TRAPPC9: variants seen among roughly 807,000 people sequenced by gnomAD.
TRAPPC9 encodes the protein IKK2 binding protein.
TRAPPC9 carries 83 observed loss-of-function variants against 124.0 expected under a neutral mutation model. The ratio of observed to expected loss-of-function variants is 0.67; its 90% confidence interval spans 0.56 to 0.80. The LOEUF (loss-of-function observed/expected upper bound fraction) is 0.80, where lower values mean the gene tolerates loss of function less well. Ranked by LOEUF, TRAPPC9 falls within the 30% of genes least tolerant of loss-of-function variation. TRAPPC9 has a pLI of 0.00. For missense variants in TRAPPC9, 1,302 were observed against 1,508.3 expected, an observed-to-expected ratio of 0.86 and a Z score of 2.27; for synonymous variants, 638 against 617.5, an observed-to-expected ratio of 1.03 and a Z score of -0.49.
intron 15 of TRAPPC9, among the ~76,000 whole-genome samples, chr8:140,258,080 T>A (rs1382251052): frequency 6.6e-6 from 1 of 152,150 alleles, no homozygotes; most frequent in Non-Finnish European, 1.5e-5. Context: ...AGGCAGAAAT[T>A]AGGCAGAAAA....
intron 17 of TRAPPC9, among the ~76,000 whole-genome samples, chr8:140,144,439 G>A (rs115096806): frequency 5.4e-4 from 82 of 151,784 alleles, no homozygotes; most frequent in African/African-American, 2.0e-3. Context: ...GGGTACTGTT[G>A]GCTAATGAAT....
chr8:140,120,181 T>G (rs1012905797), intron 17 of TRAPPC9, among the ~76,000 whole-genome samples: 3 of 152,206 alleles, frequency 2.0e-5, no homozygotes, highest in African/African-American at 4.8e-5. Context: ...TTAGATAACG[T>G]ATACCATGCA....
At chr8:140,403,351 T>A (rs1230587008) in intron 6 of TRAPPC9, among the ~76,000 whole-genome samples, 1 of 151,524 alleles carries the variant, frequency 6.6e-6, no homozygotes, top group Non-Finnish European at 1.5e-5. Context: ...ATCACTTGAA[T>A]CCAGGAGGCG....
At chr8:140,346,963 A>C (rs968795939) in intron 9 of TRAPPC9, among the ~76,000 whole-genome samples, 4 of 152,154 alleles carry the variant, frequency 2.6e-5, no homozygotes, top group Admixed American at 6.5e-5. Flanking sequence ...ACATGGAGTG[A>C]TGTCTGAGGC....
At chr8:139,975,180 C>T (rs1326288597) in intron 19 of TRAPPC9, among the ~76,000 whole-genome samples, 1 of 152,152 alleles carries the variant, frequency 6.6e-6, no homozygotes, top group Non-Finnish European at 1.5e-5. Flanking sequence ...GACTTTCCAC[C>T]AAACTGCATG....
At position 139,940,532 on chromosome 8, in the gene TRAPPC9, T is replaced by G. The variant is rs535950057; in HGVS notation, c.2811-30232A>C. 3.9e-5 allele frequency among the ~76,000 whole-genome samples: 6 copies of G among 152,320 alleles called. No homozygotes were observed. The South Asian group carries it at 1.2e-3, about 32-fold the overall frequency. On this transcript the variant is annotated intron_variant, in intron 19 of 22. Coordinates refer to ENST00000438773, the MANE Select transcript of TRAPPC9 (RefSeq NM_001160372.4). ...AGCTAGAGTATATCTGCTCCCTCCT[T>G]GCAGAGGCAGGACGTGGAGAGCGGC... is the stretch of plus-strand genomic sequence containing the variant.
intron 16 of TRAPPC9, among the ~76,000 whole-genome samples, chr8:140,242,164 G>GAGAC (rs2063874260): frequency 1.5e-5 from 2 of 133,190 alleles, no homozygotes; most frequent in Admixed American, 7.2e-5. Flanking sequence ...GAGAGAGAGA[G>GAGAC]GGAGACTGGG....
chr8:140,325,936 C>T (rs561390544), intron 9 of TRAPPC9, among the ~76,000 whole-genome samples: 1 of 152,174 alleles, frequency 6.6e-6, no homozygotes, highest in South Asian at 2.1e-4. Flanking sequence ...CAGCTGGCAC[C>T]CCCAAAGCAC....
intron 17 of TRAPPC9, among the ~76,000 whole-genome samples, chr8:140,113,811 TAC>T (rs1401643513): frequency 6.6e-6 from 1 of 152,182 alleles, no homozygotes; most frequent in Non-Finnish European, 1.5e-5. Context: ...CTGGTGCACA[TAC>T]AGTTTTCACC....
chr8:140,314,674 C>A (rs576640115), intron 9 of TRAPPC9, among the ~76,000 whole-genome samples: 1 of 152,286 alleles, frequency 6.6e-6, no homozygotes, highest in South Asian at 2.1e-4. Flanking sequence ...AATTTCACAC[C>A]TGAGGAAGAC....
At position 140,293,786 on chromosome 8, in the gene TRAPPC9, A is replaced by G. The variant is rs568436405; in HGVS notation, c.1769-2708T>C. Among the ~76,000 whole-genome samples the G allele has an allele frequency of 6.6e-5, 10 of 152,290 alleles. No individual in the cohort carries two copies. The East Asian group carries it at 1.9e-3, about 29-fold the overall frequency. On this transcript the variant is annotated intron_variant, in intron 11 of 22. Coordinates refer to ENST00000438773, the MANE Select transcript of TRAPPC9 (RefSeq NM_001160372.4). ...TGCTAAATGACAAGTTAATGGGTGC[A>G]GCGCACCAGCATGGCACATGTATAC... is the stretch of plus-strand genomic sequence containing the variant.
chr8:140,085,654 C>T (rs1475901754), intron 17 of TRAPPC9, among the ~76,000 whole-genome samples: 1 of 152,144 alleles, frequency 6.6e-6, no homozygotes, highest in Non-Finnish European at 1.5e-5. Flanking sequence ...TGAGCATCCC[C>T]CTTCTGCTCT....
Position 139,731,013 on chromosome 8 carries a change from G to A in TRAPPC9, c.*48C>T, listed in dbSNP as rs771971831. 1.2e-6 allele frequency: 2 copies of A among 1,600,476 alleles called. No individual in the cohort carries two copies. Among genetic ancestry groups the A allele is most frequent in the Non-Finnish European group, 1.7e-6 (2 of 1,173,642 alleles). On this transcript the variant is annotated 3_prime_UTR_variant, in exon 23 of 23. Coordinates refer to ENST00000438773, the MANE Select transcript of TRAPPC9 (RefSeq NM_001160372.4). ...CATTGCAGGGGGTGTGGGAGGCCAG[G>A]CAGGGTCACCTCTGGCCCTGCAGAA...
chr8:140,179,922 A>ATCCATT (rs1354520363), intron 17 of TRAPPC9, among the ~76,000 whole-genome samples: 1 of 150,630 alleles, frequency 6.6e-6, no homozygotes, highest in Non-Finnish European at 1.5e-5. Flanking sequence ...ATCTTCTCCA[A>ATCCATT]TCCATTTCTA....
intron 21 of TRAPPC9, among the ~76,000 whole-genome samples, chr8:139,824,003 G>A (rs1475992929): frequency 6.6e-6 from 1 of 152,278 alleles, no homozygotes; most frequent in South Asian, 2.1e-4. Flanking sequence ...AAATACCCAG[G>A]TCTTCTATTA....
intron 17 of TRAPPC9, among the ~76,000 whole-genome samples, chr8:140,218,564 G>C (rs190833924): frequency 6.6e-5 from 10 of 152,010 alleles, no homozygotes; most frequent in African/African-American, 2.4e-4. Flanking sequence ...CTGGCCAGGA[G>C]AGACAAGCAG....
chr8:139,821,899 A>AAATG (rs1210205205), intron 21 of TRAPPC9, among the ~76,000 whole-genome samples: 1 of 152,216 alleles, frequency 6.6e-6, no homozygotes, highest in Non-Finnish European at 1.5e-5. Flanking sequence ...GACGGAGAGA[A>AAATG]AATGAATCGT....
chr8:139,739,196 C>T (rs114146405), intron 21 of TRAPPC9, among the ~76,000 whole-genome samples: 1,911 of 152,232 alleles, frequency 0.013, 34 homozygotes, highest in African/African-American at 0.042. Context: ...GCTCCACCAC[C>T]GGCAGCAGCT....
chr8:140,260,826 C>T (rs1212524192), intron 15 of TRAPPC9, among the ~76,000 whole-genome samples: 1 of 152,210 alleles, frequency 6.6e-6, no homozygotes, highest in Non-Finnish European at 1.5e-5. Context: ...ACCAATCTGC[C>T]TCTCACCCCT....
Sources: gnomAD v4.1 joint callset for allele counts (sites outside exome capture counted in the v4.1 genomes callset) on GRCh38, gnomAD v4.1.1 for gene constraint, MANE v1.5 for transcripts, NCBI Gene and HGNC (gene_info 2026-07-23, HGNC 2026-07-21) for gene names.